L3MBTL1: variants seen among roughly 807,000 people sequenced by gnomAD.
L3MBTL1 encodes the protein L3MBTL histone methyl-lysine binding protein 1.
In L3MBTL1, 75 loss-of-function variants were observed where a neutral mutation model predicts 105.3. That is an observed-to-expected ratio of 0.71 (90% CI 0.59 to 0.86). The LOEUF is 0.86. Among genes scored for constraint, L3MBTL1 ranks in the 40% least tolerant of loss-of-function variants. The probability of loss-of-function intolerance (pLI) is 0.00; values close to 1 mark genes in which losing one functional copy is unlikely to be tolerated. For missense variants in L3MBTL1, 1,069 were observed against 1,126.4 expected (o/e 0.95, Z 0.73); for synonymous variants, 452 against 436.2 (o/e 1.04, Z -0.45).
rs2019855328 is a variant in L3MBTL1 at position 43,540,368 on chromosome 20, C to A, written c.2331+60C>A. ...CCTCTCCTCCTCCCTCTCACCATAC[C>A]CTGGTGGAAAGGCCCAGGTCAGGTA... On this transcript the variant is annotated intron_variant, in intron 20 of 21. Transcript: ENST00000418998. The A allele has an allele frequency of 3.2e-6, 5 of 1,580,616 alleles. No individual in the cohort carries two copies. The South Asian group carries it at 5.6e-5, about 18-fold the overall frequency.
In L3MBTL1 at chr20:43,535,902, C is replaced by T. The variant is rs144057381; in HGVS notation, c.1891C>T (p.His631Tyr). The T allele has an allele frequency of 1.5e-5, 25 of 1,613,394 alleles. No homozygotes were observed. In the African/African-American group the frequency reaches 3.2e-4, roughly 21 times the overall value. ...CCCTCTCAGCTATAGGAGCCTGCCC[C>T]ACACTAGGACCTCCAAATACAGCTT... Reference protein sequence around the residue: ...CPPLSYRSLPHTRTSKYSFHH... With the variant: ...CPPLSYRSLPYTRTSKYSFHH... The change falls in exon 17 of 22, where the codon CAC (histidine) becomes TAC (tyrosine). Residue 631 changes from histidine to tyrosine, a missense_variant. Transcript: ENST00000418998.
At chr20:43,515,977 C>T in intron 6 of L3MBTL1, 116 bp from the exon 7 acceptor site, 1 of 720,010 alleles carries the variant, frequency 1.4e-6, no homozygotes, top group Non-Finnish European at 2.4e-6. Flanking sequence ...GAAATTCTGC[C>T]TGTTTGGGGC....
exon 19 of L3MBTL1, chr20:43,548,197 C>T (rs1978757162): frequency 1.5e-6 from 2 of 1,304,364 alleles, no homozygotes; most frequent in South Asian, 2.5e-5. Flanking sequence ...CCTTGAAGAT[C>T]TATAACGCCA....
intron 7 of L3MBTL1, among the ~76,000 whole-genome samples, chr20:43,519,427 G>A (rs2018590631): frequency 6.6e-6 from 1 of 151,534 alleles, no homozygotes; most frequent in Non-Finnish European, 1.5e-5. Context: ...ACCTGAGGTC[G>A]GGAGTTCGAG....
At chr20:43,510,749 G>A (rs1342927800) in intron 1 of L3MBTL1, among the ~76,000 whole-genome samples, 2 of 148,604 alleles carry the variant, frequency 1.3e-5, no homozygotes, top group Admixed American at 6.7e-5. Flanking sequence ...ACAGGGTCTC[G>A]CTCTGTCACC....
chr20:43,530,172 C>A, intron 9 of L3MBTL1, 112 bp from the exon 10 acceptor site: 6 of 1,350,672 alleles, frequency 4.4e-6, no homozygotes, highest in Non-Finnish European at 6.2e-6. Context: ...GGTTGGGGAA[C>A]CTGCTAGCAT....
intron 4 of L3MBTL1, 113 bp from the exon 5 acceptor site, chr20:43,514,896 G>A (rs2018290924): frequency 1.4e-6 from 2 of 1,461,392 alleles, no homozygotes; most frequent in Admixed American, 4.4e-5. Flanking sequence ...GCTGGAGGAG[G>A]CCATCCGATG....
At chr20:43,545,364 T>TAA (rs1055120504), downstream of L3MBTL1, among the ~76,000 whole-genome samples, 4 of 134,480 alleles carry the variant, frequency 3.0e-5, no homozygotes, top group Admixed American at 7.4e-5. Context: ...GACTCAGTCT[T>TAA]AAAAAAAAAA....
chr20:43,515,294 C>T lies in L3MBTL1; in HGVS notation c.656C>T (p.Ser219Leu). 1 of 1,606,832 alleles carries T rather than the reference C, an allele frequency of 6.2e-7. No homozygotes were observed. Among genetic ancestry groups the T allele is most frequent in the Non-Finnish European group, 8.5e-7 (1 of 1,176,316 alleles). Residue 219 changes from serine (S) to leucine (L), a missense_variant and splice_region_variant, in exon 6 of 22, where the codon TCA becomes TTA. Physicochemically the swap from Ser to Leu is moderately radical, Grantham distance 145. Transcript: ENST00000418998. Reference protein sequence around the residue: ...DGCPQLFQERSVIVENSSGST... With the variant: ...DGCPQLFQERLVIVENSSGST... ...CCCTAAGGCTGGCCCTTCCTCAGGTCAGTCATAGTGGAGAACTCCTCAGGC... is the reference window on the plus strand; with the variant it reads ...CCCTAAGGCTGGCCCTTCCTCAGGTTAGTCATAGTGGAGAACTCCTCAGGC...
chr20:43,542,682 C>A (rs1276166180), downstream of L3MBTL1, among the ~76,000 whole-genome samples: 1 of 151,488 alleles, frequency 6.6e-6, no homozygotes, highest in Non-Finnish European at 1.5e-5. Context: ...TCTTTCTCAG[C>A]CCCTTTTAGT....
In L3MBTL1 at chr20:43,534,815, C is replaced by T. The variant is rs373900902; in HGVS notation, c.1711-13C>T. ...TGAGAAACGCCTGACTTCCAAGAGC[C>T]TTTCCTCCCCAGATCCACTTTGATG... On this transcript the variant is annotated splice_polypyrimidine_tract_variant and intron_variant, in intron 15 of 21. Transcript: ENST00000418998. 6.3e-6 allele frequency: 10 copies of T among 1,597,094 alleles called. No individual in the cohort carries two copies. In the African/African-American group the frequency reaches 8.1e-5, roughly 13 times the overall value.
chr20:43,509,909 G>A (rs2018086381), intron 1 of L3MBTL1, among the ~76,000 whole-genome samples: 1 of 152,112 alleles, frequency 6.6e-6, no homozygotes, highest in Non-Finnish European at 1.5e-5. Context: ...TGTCACTCAG[G>A]CTGGAGTGCA....
At chr20:43,529,903 C>T (rs1438041182) in intron 9 of L3MBTL1, among the ~76,000 whole-genome samples, 1 of 152,204 alleles carries the variant, frequency 6.6e-6, no homozygotes, top group Non-Finnish European at 1.5e-5. Context: ...AAGGAATTGC[C>T]ACTAGCTCAG....
chr20:43,511,763 A>AGAGC (rs2018140924), intron 1 of L3MBTL1, among the ~76,000 whole-genome samples: 1 of 148,344 alleles, frequency 6.7e-6, no homozygotes, highest in Admixed American at 6.8e-5. Flanking sequence ...CCTGGGCAAC[A>AGAGC]GAGCGAGACT....
At chr20:43,523,232 G>A (rs535911818) in intron 7 of L3MBTL1, 1 of 158,604 alleles carries the variant, frequency 6.3e-6, no homozygotes, top group South Asian at 1.6e-4. Context: ...AGTCCAAGCT[G>A]GAAGATGACT....
chr20:43,530,770 C>A (rs569622050), intron 10 of L3MBTL1, 28 bp from the exon 11 acceptor site: 1 of 1,607,306 alleles, frequency 6.2e-7, no homozygotes, highest in African/African-American at 1.3e-5. Context: ...CTGCACGGCG[C>A]TCTGTTCATG....
In L3MBTL1 at chr20:43,532,807, A is replaced by C; in HGVS notation, c.1319A>C (p.Lys440Thr). Reference sequence around the variant, plus strand: ...CCCCTGGGCTTCCAGGTGGGCATGAAGCTGGAGGCTGTTGACCGCATGAAC... The same window carrying C: ...CCCCTGGGCTTCCAGGTGGGCATGACGCTGGAGGCTGTTGACCGCATGAAC... ...PPPLGFQVGM[K>T]LEAVDRMNPS... The change falls in exon 12 of 22, where the codon AAG (lysine) becomes ACG (threonine). Residue 440 changes from lysine (K) to threonine (T), a missense_variant. Physicochemically the swap from Lys to Thr is moderately conservative, Grantham distance 78 (BLOSUM62 -1). Coordinates refer to ENST00000418998, the MANE Select transcript of L3MBTL1 (RefSeq NM_001377303.1). 1 of 1,614,152 alleles carries C rather than the reference A, an allele frequency of 6.2e-7. No homozygotes were observed. Among genetic ancestry groups the C allele is most frequent in the Admixed American group, 1.7e-5 (1 of 60,028 alleles).
At chr20:43,516,452 T>C (rs1486974721) in intron 7 of L3MBTL1, among the ~76,000 whole-genome samples, 1 of 152,228 alleles carries the variant, frequency 6.6e-6, no homozygotes, top group Non-Finnish European at 1.5e-5. Context: ...GGCTCAATTT[T>C]TGAAGACTTG....
At chr20:43,534,604 T>C (rs2019510557) in intron 15 of L3MBTL1, 2 of 610,680 alleles carry the variant, frequency 3.3e-6, no homozygotes, top group Non-Finnish European at 5.8e-6. Context: ...ATGGGCCTAA[T>C]AATCCTCGTC....
Sources: allele counts gnomAD v4.1 joint callset (sites outside exome capture counted in the v4.1 genomes callset), GRCh38; gene constraint gnomAD v4.1.1; transcripts MANE v1.5; gene names NCBI Gene and HGNC (gene_info 2026-07-23, HGNC 2026-07-21).